Variants in RXRG observed in about 807,000 individuals in gnomAD.
RXRG encodes the protein retinoic acid receptor RXR-gamma.
RXRG carries 19 observed loss-of-function variants against 49.2 expected under a neutral mutation model. The observed-to-expected ratio is 0.39, with a 90% CI of 0.27 to 0.57. RXRG has a LOEUF of 0.57. Ranked by LOEUF, RXRG falls within the 20% of genes least tolerant of loss-of-function variation. The pLI is 0.64. For synonymous variants in RXRG, 224 were observed against 216.6 expected (o/e 1.03, Z -0.30); for missense variants, 452 against 592.5 (o/e 0.76, Z 2.46).
rs865934303 is a variant in RXRG at position 165,417,165 on chromosome 1, C to T, written c.498G>A (p.Thr166=). ...CEGCKGFFKR[T]IRKDLIYTCR... ...ACGTGTAGATGAGGTCCTTCCTTAT[C>T]GTCCTCTTGAAGAACCCTTTGCAGC... The change falls in exon 4 of 10, where the codon ACG becomes ACA. Residue 166 remains threonine (T), a synonymous_variant. Transcript: ENST00000359842. 6 of 1,610,338 alleles carry T rather than the reference C, an allele frequency of 3.7e-6. No homozygotes were observed. Among genetic ancestry groups the T allele is most frequent in the African/African-American group, 1.4e-5 (1 of 73,800 alleles).
chr1:165,420,860 C>T (rs933540761), intron 2 of RXRG, among the ~76,000 whole-genome samples: 2 of 152,066 alleles, frequency 1.3e-5, no homozygotes, highest in Non-Finnish European at 2.9e-5. Context: ...TCAGAACATG[C>T]ACAAAAAAAT....
chr1:165,408,171 G>A (rs1657818113), intron 8 of RXRG, 56 bp downstream of exon 8: 3 of 1,325,478 alleles, frequency 2.3e-6, no homozygotes, highest in Non-Finnish European at 3.3e-6. Flanking sequence ...AGCACTGGAG[G>A]TTGACCGTGG....
In RXRG at chr1:165,428,863, A is replaced by G. The variant is rs1338086607; in HGVS notation, c.153T>C (p.Ser51=). ...SHPSYTDTPV[S]APRTLSAVGT... ...CCACTGCACTCAGAGTCCGTGGGGCACTCACTGGGGTATCTGTGTAGCTGG... is the reference window on the plus strand; with the variant it reads ...CCACTGCACTCAGAGTCCGTGGGGCGCTCACTGGGGTATCTGTGTAGCTGG... Residue 51 remains serine, a synonymous_variant, in exon 2 of 10, where the codon AGT becomes AGC. Transcript: ENST00000359842. 6.2e-7 allele frequency: 1 copy of G among 1,614,048 alleles called. No homozygotes were observed. The highest frequency in any genetic ancestry group is 1.1e-5 in the South Asian group (1 of 91,072).
Position 165,435,833 on chromosome 1 carries a change from A to G in RXRG, c.50-6867T>C, listed in dbSNP as rs546125707. Reference sequence around the variant, plus strand: ...TGCATTCTGGAGTAGAGGTTGGCACACTTTTTCTTTCCAGGGTCAGACAGT... The same window carrying G: ...TGCATTCTGGAGTAGAGGTTGGCACGCTTTTTCTTTCCAGGGTCAGACAGT... On this transcript the variant is annotated intron_variant, in intron 1 of 9. Transcript: ENST00000359842. Among the ~76,000 whole-genome samples the G allele has an allele frequency of 6.6e-5, 10 of 152,300 alleles. No individual in the cohort carries two copies. The South Asian group carries it at 1.9e-3, about 28-fold the overall frequency.
chr1:165,439,674 A>C (rs2651861), intron 1 of RXRG, among the ~76,000 whole-genome samples: 1 of 152,248 alleles, frequency 6.6e-6, no homozygotes, highest in Non-Finnish European at 1.5e-5. Flanking sequence ...AAGGGCTTCC[A>C]TAGCAGAGAA....
intron 1 of RXRG, among the ~76,000 whole-genome samples, chr1:165,435,902 C>T (rs1658807005): frequency 6.6e-6 from 1 of 152,184 alleles, no homozygotes; most frequent in Non-Finnish European, 1.5e-5. Context: ...GTGACAACTA[C>T]TCACAATATC....
At chr1:165,436,632 A>T (rs897084331) in intron 1 of RXRG, among the ~76,000 whole-genome samples, 1 of 152,216 alleles carries the variant, frequency 6.6e-6, no homozygotes, top group Non-Finnish European at 1.5e-5. Context: ...CTACGTTTTA[A>T]CAAATCATCC....
chr1:165,430,669 C>T (rs1322436120), intron 1 of RXRG, among the ~76,000 whole-genome samples: 2 of 152,258 alleles, frequency 1.3e-5, no homozygotes, highest in Admixed American at 6.5e-5. Flanking sequence ...AAAACACATG[C>T]TGTGGGCCCA....
intron 9 of RXRG, among the ~76,000 whole-genome samples, chr1:165,406,476 C>T (rs61158907): frequency 0.014 from 2,195 of 152,312 alleles, 55 homozygotes; most frequent in African/African-American, 0.05. Context: ...TGGTCTTCAG[C>T]AAGTTACTTA....
chr1:165,419,837 C>T (rs759374900), intron 3 of RXRG, 33 bp downstream of exon 3: 3 of 1,544,302 alleles, frequency 1.9e-6, no homozygotes, highest in East Asian at 2.3e-5. Context: ...TTCTCTGTGG[C>T]ACTTTTCAGG....
intron 8 of RXRG, 53 bp downstream of exon 8, chr1:165,408,174 G>T: frequency 7.4e-7 from 1 of 1,348,182 alleles, no homozygotes; most frequent in South Asian, 1.2e-5. Context: ...ACTGGAGGTT[G>T]ACCGTGGAAG....
At chr1:165,435,566 C>G (rs1407335426) in intron 1 of RXRG, among the ~76,000 whole-genome samples, 1 of 152,120 alleles carries the variant, frequency 6.6e-6, no homozygotes, top group Non-Finnish European at 1.5e-5. Context: ...CAGATAAGCC[C>G]CAAATGGGTG....
intron 7 of RXRG, 139 bp from the exon 8 acceptor site, chr1:165,408,457 A>T: frequency 1.6e-6 from 1 of 643,344 alleles, no homozygotes; most frequent in Non-Finnish European, 2.8e-6. Flanking sequence ...CAGAAATGAA[A>T]AAGATGCAAC....
chr1:165,417,854 G>A (rs1057114086), intron 3 of RXRG, among the ~76,000 whole-genome samples: 2 of 152,146 alleles, frequency 1.3e-5, no homozygotes, highest in East Asian at 1.9e-4. Context: ...TGTAATCCCA[G>A]CACTTTGGGA....
At chr1:165,430,871 G>T (rs965624256) in intron 1 of RXRG, among the ~76,000 whole-genome samples, 1 of 152,130 alleles carries the variant, frequency 6.6e-6, no homozygotes, top group South Asian at 2.1e-4. Flanking sequence ...ACTTACCCCT[G>T]CCTCCATTGT....
intron 1 of RXRG, 24 bp from the exon 2 acceptor site, chr1:165,428,990 G>A (rs375743449): frequency 1.4e-4 from 219 of 1,603,080 alleles, no homozygotes; most frequent in Non-Finnish European, 1.8e-4. Context: ...AATATAGATG[G>A]TGGGAGGTTG....
chr1:165,413,783 G>GCA (rs373820633), intron 4 of RXRG, among the ~76,000 whole-genome samples: 1 of 148,316 alleles, frequency 6.7e-6, no homozygotes, highest in South Asian at 2.2e-4. Context: ...GTGGGCTTGT[G>GCA]TGGGCTAGGC....
chr1:165,443,248 T>C (rs1407067616), intron 1 of RXRG, among the ~76,000 whole-genome samples: 1 of 152,202 alleles, frequency 6.6e-6, no homozygotes, highest in Non-Finnish European at 1.5e-5. Flanking sequence ...TTGGCATTAA[T>C]GAAGCCACAG....
At chr1:165,427,696 C>T (rs1324620378) in intron 2 of RXRG, among the ~76,000 whole-genome samples, 1 of 152,190 alleles carries the variant, frequency 6.6e-6, no homozygotes, top group Non-Finnish European at 1.5e-5. Flanking sequence ...CCCACTTCGG[C>T]CTCCCAAAGT....
Sources: gnomAD v4.1 joint callset for allele counts (sites outside exome capture counted in the v4.1 genomes callset) on GRCh38, gnomAD v4.1.1 for gene constraint, MANE v1.5 for transcripts, NCBI Gene and HGNC (gene_info 2026-07-23, HGNC 2026-07-21) for gene names.